Variants in ZNF658 observed in about 807,000 individuals in gnomAD.
ZNF658 encodes zinc finger protein 658.
A neutral mutation model predicts 78.0 loss-of-function variants in ZNF658; 46 were observed. The observed-to-expected ratio is 0.59, with a 90% CI of 0.47 to 0.75. ZNF658 has a LOEUF of 0.75. ZNF658 is among the 30% of genes least tolerant of loss of function. ZNF658 has a pLI of 0.00. For missense variants in ZNF658, 785 were observed against 1,189.3 expected, an observed-to-expected ratio of 0.66 and a Z score of 5.00; for synonymous variants, 279 against 408.4, an observed-to-expected ratio of 0.68 and a Z score of 3.82.
intron 4 of ZNF658, among the ~76,000 whole-genome samples, chr9:66,912,945 G>A (rs1822247634): frequency 6.6e-6 from 1 of 152,070 alleles, no homozygotes; most frequent in East Asian, 1.9e-4. Context: ...CTGCTTGGGA[G>A]GCTGAGGCAC....
In ZNF658 at chr9:66,918,610, T is replaced by C. The variant is rs767996929; in HGVS notation, c.1044T>C (p.Ala348=). The change falls in exon 5 of 5, where the codon GCT becomes GCC. Residue 348 remains alanine (A), a synonymous_variant. Transcript: ENST00000621410. ...SAHIVHQKTQ[A]GDKFGEHNEC... The stretch of plus-strand genomic sequence containing the variant: ...ATATAGTACATCAGAAAACACAAGC[T>C]GGAGATAAATTTGGTGAACATAATG... 5 of 1,610,014 alleles carry C rather than the reference T, an allele frequency of 3.1e-6. No homozygotes were observed. Among genetic ancestry groups the C allele is most frequent in the Non-Finnish European group, 2.5e-6 (3 of 1,176,792 alleles).
At chr9:66,904,514 C>A (rs2117947112) in intron 2 of ZNF658, among the ~76,000 whole-genome samples, 1 of 152,016 alleles carries the variant, frequency 6.6e-6, no homozygotes, top group East Asian at 1.9e-4. Context: ...TTGTTTTTTT[C>A]TTTTTTTAAA....
In ZNF658 at chr9:66,920,248, A is replaced by T. The variant is rs200439226; in HGVS notation, c.2682A>T (p.Thr894=). 3.1e-6 allele frequency: 5 copies of T among 1,610,318 alleles called. No homozygotes were observed. The highest frequency in any genetic ancestry group is 4.2e-6 in the Non-Finnish European group (5 of 1,178,008). Residue 894 remains threonine, a synonymous_variant, in exon 5 of 5, where the codon ACA becomes ACT. Coordinates refer to ENST00000621410, the MANE Select transcript of ZNF658 (RefSeq NM_033160.7). ...ACTGTGGGAAGACTTTCTCCAAGAC[A>T]TCACATCTCAGAGCACATCTTAGAA... ...CNDCGKTFSK[T]SHLRAHLRTR...
At chr9:66,909,210 A>C (rs1194460383) in intron 4 of ZNF658, among the ~76,000 whole-genome samples, 1 of 152,124 alleles carries the variant, frequency 6.6e-6, no homozygotes, top group Non-Finnish European at 1.5e-5. Flanking sequence ...GTTAATTTTC[A>C]TCACCTCAAA....
chr9:66,919,475 A>G lies in ZNF658; in HGVS notation c.1909A>G (p.Arg637Gly). The G allele has an allele frequency of 6.3e-7, 1 of 1,597,366 alleles. No homozygotes were observed. Among genetic ancestry groups the G allele is most frequent in the Non-Finnish European group, 8.6e-7 (1 of 1,168,750 alleles). ...EKPYECNECG[R>G]SFAHISVLKA... ...ACCTTATGAATGTAATGAATGTGGAAGGTCTTTTGCCCATATTTCTGTTCT... is the reference window on the plus strand; with the variant it reads ...ACCTTATGAATGTAATGAATGTGGAGGGTCTTTTGCCCATATTTCTGTTCT... Residue 637 changes from arginine (R) to glycine (G), a missense_variant, in exon 5 of 5, where the codon AGG becomes GGG. Physicochemically the swap from Arg to Gly is moderately radical, Grantham distance 125. Around this residue, in one of 12 missense-constraint regions of ZNF658, gnomAD observed 75 missense variants for 147.1 expected, o/e 0.51. Coordinates refer to ENST00000621410, the MANE Select transcript of ZNF658 (RefSeq NM_033160.7).
chr9:66,918,777 G>A lies in ZNF658; in HGVS notation c.1211G>A (p.Arg404Lys), dbSNP rs765614798. Residue 404 changes from arginine to lysine, a missense_variant, in exon 5 of 5, where the codon AGG (arginine) becomes AAG (lysine). Arg to Lys is a conservative substitution (Grantham distance 26, BLOSUM62 2). Transcript: ENST00000621410. ...AAAGCACACCTCATTCAGCATCAGA[G>A]GCCCCACTCAGGAGAGAAAACTTAC... ...YRKAHLIQHQ[R>K]PHSGEKTYQY... 11 of 1,613,790 alleles carry A rather than the reference G, an allele frequency of 6.8e-6. No individual in the cohort carries two copies. In the Admixed American group the frequency reaches 1.7e-4, roughly 24 times the overall value.
rs1172827748 is a variant in ZNF658 at position 66,920,959 on chromosome 9, A to G, written c.*213A>G. On this transcript the variant is annotated 3_prime_UTR_variant, in exon 5 of 5. Transcript: ENST00000621410. The stretch of plus-strand genomic sequence containing the variant: ...TGGCCCTTAAAAAAAAAAAAGAAAA[A>G]CCCTCACAGTCTTCCTGGTTCATAA... The G allele has an allele frequency of 1.4e-5, 9 of 623,020 alleles. No homozygotes were observed. The African/African-American group carries it at 1.5e-4, about 10-fold the overall frequency. 38.6% of individuals were successfully genotyped at this position (623,020 alleles called of 1,614,324 possible).
chr9:66,923,246 A>G (rs1275050990), downstream of ZNF658, among the ~76,000 whole-genome samples: 3 of 151,694 alleles, frequency 2.0e-5, no homozygotes, highest in East Asian at 5.8e-4. Context: ...GGAAGCATAC[A>G]GCATGGGAGA....
In ZNF658 at chr9:66,909,969, G is replaced by T. The variant is rs376072246; in HGVS notation, c.238+1235G>T. On this transcript the variant is annotated intron_variant, in intron 4 of 4. Transcript: ENST00000621410. ...GCTTGAAGACAGCCACTTTCTTGCT[G>T]TGTGTTCATGTGGCCTTTCCTCTGT... Among the ~76,000 whole-genome samples, 172 of 152,306 alleles carry T rather than the reference G, an allele frequency of 1.1e-3. 5 individuals carry two copies. In the South Asian group the frequency reaches 0.035, roughly 31 times the overall value.
At chr9:66,913,264 A>G (rs1822255599) in intron 4 of ZNF658, among the ~76,000 whole-genome samples, 1 of 151,430 alleles carries the variant, frequency 6.6e-6, no homozygotes, top group Non-Finnish European at 1.5e-5. Flanking sequence ...ATCTCTACCA[A>G]AAGTACAAAA....
chr9:66,905,175 A>G (rs920851567), intron 2 of ZNF658, among the ~76,000 whole-genome samples: 24 of 137,786 alleles, frequency 1.7e-4, no homozygotes, highest in Non-Finnish European at 3.3e-4. Flanking sequence ...TTCCGGGTTC[A>G]AGCAATCCTT....
At chr9:66,908,762 C>T (rs538215386) in intron 4 of ZNF658, 28 bp downstream of exon 4, 17 of 1,605,088 alleles carry the variant, frequency 1.1e-5, no homozygotes, top group Non-Finnish European at 1.4e-5. Context: ...GAAGGAGCCC[C>T]CTGGGGGTAC....
chr9:66,912,979 T>C, intron 4 of ZNF658, among the ~76,000 whole-genome samples: 1 of 146,108 alleles, frequency 6.8e-6, no homozygotes, highest in African/African-American at 2.6e-5. Flanking sequence ...ATCTGGGAGG[T>C]GGAGGTTATG....
chr9:66,920,048 T>C lies in ZNF658; in HGVS notation c.2482T>C (p.Cys828Arg). 1 of 1,613,336 alleles carries C rather than the reference T, an allele frequency of 6.2e-7. No individual in the cohort carries two copies. Among genetic ancestry groups the C allele is most frequent in the Non-Finnish European group, 8.5e-7 (1 of 1,179,910 alleles). Residue 828 changes from cysteine (C) to arginine (R), a missense_variant, in exon 5 of 5, where the codon TGT becomes CGT. Around this residue, in one of 12 missense-constraint regions of ZNF658, gnomAD observed 58 missense variants for 63.0 expected, o/e 0.92. Transcript: ENST00000621410. Reference protein sequence around the residue: ...RIHTGEKPYECNQCGKTFSQR... With the variant: ...RIHTGEKPYERNQCGKTFSQR... ...TCACACAGGGGAGAAACCCTATGAA[T>C]GTAACCAATGTGGGAAAACTTTCTC...
rs1179337979 is a variant in ZNF658, at chr9:66,917,947, A to G, written c.381A>G (p.Ile127Met). The G allele has an allele frequency of 6.2e-7, 1 of 1,610,400 alleles. No homozygotes were observed. Among genetic ancestry groups the G allele is most frequent in the African/African-American group, 1.3e-5 (1 of 74,628 alleles). Reference sequence around the variant, plus strand: ...TAGAAAAACCATTTAATCTGGAAATAGCTCCAGAGCTTTCAGAAAAAATAT... The same window carrying G: ...TAGAAAAACCATTTAATCTGGAAATGGCTCCAGAGCTTTCAGAAAAAATAT... ...KVLEKPFNLE[I>M]APELSEKISC... Residue 127 changes from isoleucine to methionine, a missense_variant, in exon 5 of 5, where the codon ATA (isoleucine) becomes ATG (methionine). By Grantham distance (10) the Ile-to-Met change is conservative. Around this residue, in one of 12 missense-constraint regions of ZNF658, gnomAD observed 54 missense variants for 48.9 expected, o/e 1.10. Coordinates refer to ENST00000621410, the MANE Select transcript of ZNF658 (RefSeq NM_033160.7).
chr9:66,920,406 T>A lies in ZNF658; in HGVS notation c.2840T>A (p.Phe947Tyr). The change falls in exon 5 of 5, where the codon TTT (phenylalanine) becomes TAT (tyrosine). Residue 947 changes from phenylalanine (F) to tyrosine (Y), a missense_variant. Phe to Tyr is a conservative substitution (Grantham distance 22, BLOSUM62 3). Transcript: ENST00000621410. ...GAATGTAATGTATGTGGGAAGCCAT[T>A]TGCCCATAATTCAACCCTCAGAGTA... ...PYECNVCGKP[F>Y]AHNSTLRVHQ... is the part of the protein sequence containing the mutation. The A allele has an allele frequency of 1.9e-6, 3 of 1,610,896 alleles. No homozygotes were observed. The highest frequency in any genetic ancestry group is 2.5e-6 in the Non-Finnish European group (3 of 1,179,516).
intron 1 of ZNF658, among the ~76,000 whole-genome samples, chr9:66,902,016 C>A (rs1383351219): frequency 4.6e-5 from 7 of 152,170 alleles, no homozygotes; most frequent in African/African-American, 9.7e-5. Context: ...AGTTTTACTG[C>A]TTTATTTTAC....
At chr9:66,915,982 C>T (rs1437663897) in intron 4 of ZNF658, among the ~76,000 whole-genome samples, 3 of 139,270 alleles carry the variant, frequency 2.2e-5, no homozygotes, top group Admixed American at 7.4e-5. Context: ...CTCCACATCC[C>T]GAGTTCAAGC....
In ZNF658 at chr9:66,908,550, T is replaced by C. The variant is rs184086543; in HGVS notation, c.143-89T>C. ...CATTAAAAATTTCAAATGAACACCCTCAGTTAATGCTTTGCTGCCATATCT... is the reference window on the plus strand; with the variant it reads ...CATTAAAAATTTCAAATGAACACCCCCAGTTAATGCTTTGCTGCCATATCT... On this transcript the variant is annotated intron_variant, in intron 3 of 4. Transcript: ENST00000621410. The C allele has an allele frequency of 1.9e-3, 2,739 of 1,479,806 alleles. 38 individuals carry two copies. The African/African-American group carries it at 0.035, about 19-fold the overall frequency. 91.7% of individuals were successfully genotyped at this position (1,479,806 alleles called of 1,614,324 possible).
Sources: gnomAD v4.1 joint callset for allele counts (sites outside exome capture counted in the v4.1 genomes callset) on GRCh38, gnomAD v4.1.1 for gene constraint, gnomAD v4.1.1 regional missense constraint, MANE v1.5 for transcripts, NCBI Gene and HGNC (gene_info 2026-07-23, HGNC 2026-07-21) for gene names.